PTPN13: variants seen among roughly 807,000 people sequenced by gnomAD.
The protein encoded by PTPN13 is protein tyrosine phosphatase non-receptor type 13, also known as tyrosine-protein phosphatase non-receptor type 13.
A neutral mutation model predicts 284.0 loss-of-function variants in PTPN13; 191 were observed. The ratio of observed to expected loss-of-function variants is 0.67; its 90% CI spans 0.60 to 0.76. The LOEUF (loss-of-function observed/expected upper bound fraction) is 0.76, where lower values mean the gene tolerates loss of function less well. Among genes scored for constraint, PTPN13 ranks in the 30% least tolerant of loss-of-function variants. PTPN13 has a pLI of 0.00. For synonymous variants in PTPN13, 986 were observed against 1,022.3 expected, an observed-to-expected ratio of 0.96 and a Z score of 0.68; for missense variants, 2,797 against 2,939.9, an observed-to-expected ratio of 0.95 and a Z score of 1.12.
At chr4:86,729,745 C>A (rs1329066481) in intron 10 of PTPN13, among the ~76,000 whole-genome samples, 2 of 149,374 alleles carry the variant, frequency 1.3e-5, no homozygotes, top group Non-Finnish European at 3.0e-5. Flanking sequence ...TTCCTCTAAC[C>A]TTTTTGCAAG....
intron 1 of PTPN13, among the ~76,000 whole-genome samples, chr4:86,598,966 C>T (rs894469988): frequency 6.6e-6 from 1 of 152,118 alleles, no homozygotes; most frequent in African/African-American, 2.4e-5. Flanking sequence ...TCCTATGTTA[C>T]CCAGCCTGGT....
Position 86,717,125 on chromosome 4 carries a change from A to T in PTPN13, c.1385+8A>T. 1 of 1,580,186 alleles carries T rather than the reference A, an allele frequency of 6.3e-7. No homozygotes were observed. Among genetic ancestry groups the T allele is most frequent in the Non-Finnish European group, 8.7e-7 (1 of 1,152,102 alleles). On this transcript the variant is annotated splice_region_variant and intron_variant, in intron 9 of 47. Coordinates refer to ENST00000411767, the MANE Select transcript of PTPN13 (RefSeq NM_080683.3). The stretch of plus-strand genomic sequence containing the variant: ...CCAGTCACAGAGACCGAGGTATGTC[A>T]TGAAAAAGTAGTGATGATACATTTC...
intron 27 of PTPN13, 50 bp downstream of exon 27, chr4:86,766,567 A>T (rs1018815959): frequency 7.7e-7 from 1 of 1,305,538 alleles, no homozygotes; most frequent in African/African-American, 1.5e-5. Context: ...AGAGCAAAAC[A>T]ATGTGTGAAT....
At chr4:86,683,277 G>A (rs142056572) in intron 3 of PTPN13, among the ~76,000 whole-genome samples, 22 of 152,208 alleles carry the variant, frequency 1.4e-4, no homozygotes, top group African/African-American at 4.6e-4. Flanking sequence ...GGAGATTCAG[G>A]AGAGCCAATG....
At chr4:86,685,742 A>G (rs1428123356) in intron 3 of PTPN13, among the ~76,000 whole-genome samples, 1 of 152,190 alleles carries the variant, frequency 6.6e-6, no homozygotes, top group Non-Finnish European at 1.5e-5. Flanking sequence ...GTACAAAAAC[A>G]TGTGGAAAAA....
Position 86,805,312 on chromosome 4 carries a change from C to G in PTPN13, c.6688C>G (p.Leu2230Val). ...LQELKPLDQC[L>V]IGQTKENRRK... ...AGAATTAAAACCTTTGGATCAGTGTCTAATTGGGCAAACTAAGGAAAACAG... is the reference window on the plus strand; with the variant it reads ...AGAATTAAAACCTTTGGATCAGTGTGTAATTGGGCAAACTAAGGAAAACAG... The change falls in exon 44 of 48, where the codon CTA becomes GTA. Residue 2230 changes from leucine (L) to valine (V), a missense_variant. Physicochemically the swap from Leu to Val is conservative, Grantham distance 32. Transcript: ENST00000411767. The G allele has an allele frequency of 6.2e-7, 1 of 1,600,962 alleles. No individual in the cohort carries two copies. The highest frequency in any genetic ancestry group is 8.5e-7 in the Non-Finnish European group (1 of 1,170,840).
intron 1 of PTPN13, chr4:86,595,656 C>T (rs1763618957): frequency 6.0e-6 from 4 of 664,534 alleles, no homozygotes; most frequent in Non-Finnish European, 7.4e-6. Context: ...TTTGAAACAA[C>T]AAACGCGGTG....
chr4:86,768,005 C>T (rs773986290), intron 28 of PTPN13, 29 bp downstream of exon 28: 1 of 1,583,140 alleles, frequency 6.3e-7, no homozygotes, highest in Non-Finnish European at 8.6e-7. Flanking sequence ...ACAATCTCAC[C>T]TTTAAATTAT....
chr4:86,702,463 A>G (rs1424962083), intron 7 of PTPN13, among the ~76,000 whole-genome samples: 1 of 152,174 alleles, frequency 6.6e-6, no homozygotes, highest in Non-Finnish European at 1.5e-5. Flanking sequence ...AAATTACTCC[A>G]TCTATAAAAT....
chr4:86,692,344 C>A (rs1038386387), intron 5 of PTPN13, among the ~76,000 whole-genome samples: 3 of 152,130 alleles, frequency 2.0e-5, no homozygotes, highest in African/African-American at 7.2e-5. Context: ...GAAATACTTC[C>A]ATTTACAAGT....
intron 3 of PTPN13, among the ~76,000 whole-genome samples, chr4:86,675,939 C>A (rs1728228173): frequency 6.6e-6 from 1 of 152,140 alleles, no homozygotes; most frequent in Non-Finnish European, 1.5e-5. Context: ...ATAAATTAAT[C>A]TTGATTATTG....
chr4:86,594,410 C>G lies in PTPN13; in HGVS notation c.-385C>G, dbSNP rs906282571. The G allele has an allele frequency of 6.6e-6, 1 of 152,360 alleles. No homozygotes were observed. The highest frequency in any genetic ancestry group is 1.5e-5 in the Non-Finnish European group (1 of 68,068). The allele number at this position is 152,360 out of a possible 1,614,324, so 9.4% of individuals were successfully genotyped here. A position where few individuals can be genotyped will look rare whatever the true frequency, so the allele number is the denominator to read the frequency against. On this transcript the variant is annotated 5_prime_UTR_variant, in exon 1 of 48. Coordinates refer to ENST00000411767, the MANE Select transcript of PTPN13 (RefSeq NM_080683.3). ...TGGCGAGCCGTGCTCCGTAGCTCCC[C>G]GGTCCGCCTCGGCAGCGGTCAGAGT...
intron 1 of PTPN13, among the ~76,000 whole-genome samples, chr4:86,614,064 A>T (rs1324569054): frequency 2.0e-5 from 3 of 152,316 alleles, no homozygotes; most frequent in Admixed American, 2.0e-4. Context: ...AGAGATACAT[A>T]GCTAGGAAAA....
At chr4:86,735,485 A>G in intron 14 of PTPN13, 109 bp from the exon 15 acceptor site, 2 of 1,136,216 alleles carry the variant, frequency 1.8e-6, no homozygotes, top group Non-Finnish European at 1.2e-6. Flanking sequence ...GAGAGGTAGA[A>G]ATAGAAGTAC....
intron 20 of PTPN13, among the ~76,000 whole-genome samples, chr4:86,754,952 C>T (rs1026630887): frequency 8.6e-5 from 13 of 152,020 alleles, no homozygotes; most frequent in Non-Finnish European, 1.8e-4. Context: ...GGCCAAGTAG[C>T]CTGAATTAGT....
At chr4:86,750,442 C>G in intron 17 of PTPN13, 28 bp from the exon 18 acceptor site, 5 of 1,563,442 alleles carry the variant, frequency 3.2e-6, no homozygotes, top group African/African-American at 1.4e-5. Flanking sequence ...GCGTTACCAT[C>G]ATGTAAAGCA....
intron 40 of PTPN13, among the ~76,000 whole-genome samples, chr4:86,792,280 G>A (rs1174556629): frequency 6.6e-6 from 1 of 152,106 alleles, no homozygotes; most frequent in Non-Finnish European, 1.5e-5. Context: ...TCAAATTAAT[G>A]AAATAAAGCA....
chr4:86,668,621 A>T (rs1044546245), intron 2 of PTPN13, among the ~76,000 whole-genome samples: 2 of 151,796 alleles, frequency 1.3e-5, no homozygotes, highest in East Asian at 1.9e-4. Flanking sequence ...CTTGAGACAG[A>T]GTCTCACTCT....
intron 2 of PTPN13, among the ~76,000 whole-genome samples, chr4:86,657,027 G>A (rs1451733305): frequency 3.3e-5 from 5 of 152,216 alleles, no homozygotes; most frequent in Admixed American, 1.3e-4. Context: ...TCCAAGCCAG[G>A]AGCAGGATAT....
Sources: allele counts gnomAD v4.1 joint callset (sites outside exome capture counted in the v4.1 genomes callset), GRCh38; gene constraint gnomAD v4.1.1; transcripts MANE v1.5; gene names NCBI Gene and HGNC (gene_info 2026-07-23, HGNC 2026-07-21).